IQCN: variants seen among roughly 807,000 people sequenced by gnomAD.
IQCN encodes the protein IQ motif containing N, also known as IQ domain-containing protein N.
A neutral mutation model predicts 64.4 loss-of-function variants in IQCN; 46 were observed. The ratio of observed to expected loss-of-function variants is 0.71; its 90% CI spans 0.56 to 0.91. IQCN has a LOEUF of 0.91. Ranked by LOEUF, IQCN falls within the 40% of genes least tolerant of loss-of-function variation. IQCN has a pLI of 0.00. For synonymous variants in IQCN, 733 were observed against 775.6 expected (o/e 0.95, Z 0.91); for missense variants, 1,753 against 1,857.4 (o/e 0.94, Z 1.03).
intron 1 of IQCN, among the ~76,000 whole-genome samples, chr19:18,272,731 C>G (rs1328343083): frequency 6.6e-6 from 1 of 151,922 alleles, no homozygotes; most frequent in East Asian, 1.9e-4. Context: ...CTGCCTCAGC[C>G]TCCTGAGTAG....
Position 18,265,521 on chromosome 19 carries a change from T to C in IQCN, c.2019A>G (p.Arg673=), listed in dbSNP as rs1415512162. 1 of 1,612,436 alleles carries C rather than the reference T, an allele frequency of 6.2e-7. No individual in the cohort carries two copies. The highest frequency in any genetic ancestry group is 2.2e-5 in the East Asian group (1 of 44,820). ...AAPLTNASSQ[R]HPPCLSQRPL... ...GTCTCTGGGACAGGCAGGGTGGATG[T>C]CTCTGGGATGAGGCATTGGTCAGTG... Residue 673 remains arginine (R), a synonymous_variant, in exon 3 of 4, where the codon AGA becomes AGG. Transcript: ENST00000392413. The surrounding 1 kb of genome is among the most constrained non-coding windows in gnomAD (Gnocchi z 4.7).
At position 18,257,447 on chromosome 19, in the gene IQCN, C is replaced by A. The variant is rs376741930; in HGVS notation, c.3837G>T (p.Gly1279=). 131 of 1,608,702 alleles carry A rather than the reference C, an allele frequency of 8.1e-5. No individual in the cohort carries two copies. The highest frequency in any genetic ancestry group is 1.0e-4 in the Non-Finnish European group (121 of 1,178,464). The change falls in exon 4 of 4, where the codon GGG becomes GGT. Residue 1279 remains glycine (G), a synonymous_variant. Coordinates refer to ENST00000392413, the MANE Select transcript of IQCN (RefSeq NM_001145304.2). ...GGTAGGCGGAGGCCCAAGACACTGC[C>A]CCGGGGCCCTCAGTGCCCTGGCCCA... ...QGMGQGTEGP[G]AVSWASAYQL... is the part of the protein sequence containing the mutation.
intron 3 of IQCN, chr19:18,262,093 T>G (rs1969441641): frequency 6.5e-6 from 1 of 153,152 alleles, no homozygotes. Flanking sequence ...GACACCTCAG[T>G]GGCCACAGAT....
At chr19:18,270,468 T>C (rs7256004) in intron 1 of IQCN, among the ~76,000 whole-genome samples, 8,304 of 151,778 alleles carry the variant, frequency 0.055, 756 homozygotes, top group African/African-American at 0.19. Context: ...CAGACCAGCC[T>C]GGGCAACATG....
At chr19:18,263,524 G>A (rs1247769547) in intron 3 of IQCN, among the ~76,000 whole-genome samples, 1 of 152,212 alleles carries the variant, frequency 6.6e-6, no homozygotes, top group African/African-American at 2.4e-5. Context: ...GGGGAAGCTT[G>A]AAACAGACCA....
intron 3 of IQCN, 149 bp from the exon 4 acceptor site, chr19:18,258,255 C>T (rs543773434): frequency 1.8e-4 from 155 of 848,446 alleles, no homozygotes; most frequent in Admixed American, 2.2e-4. Flanking sequence ...AGACACCCTC[C>T]GAACTCCCGG....
rs1057186927 is a variant in IQCN at position 18,269,069 on chromosome 19, G to A, written c.13+397C>T. Among the ~76,000 whole-genome samples the A allele has an allele frequency of 3.3e-5, 5 of 151,886 alleles. No individual in the cohort carries two copies. In the East Asian group the frequency reaches 7.7e-4, roughly 23 times the overall value. On this transcript the variant is annotated intron_variant, in intron 2 of 3. Coordinates refer to ENST00000392413, the MANE Select transcript of IQCN (RefSeq NM_001145304.2). ...TGCTTGAACCCGGGAGGAGGAGGTTGCAGTGAGCCAAGATCACGCCATCAC... is the reference window on the plus strand; with the variant it reads ...TGCTTGAACCCGGGAGGAGGAGGTTACAGTGAGCCAAGATCACGCCATCAC...
At chr19:18,270,108 C>T (rs1969703363) in intron 1 of IQCN, among the ~76,000 whole-genome samples, 1 of 148,056 alleles carries the variant, frequency 6.8e-6, no homozygotes, top group South Asian at 2.1e-4. Context: ...GCCTGTAATT[C>T]CAGCACTCTG....
At chr19:18,263,572 C>A (rs1235281091) in intron 3 of IQCN, among the ~76,000 whole-genome samples, 1 of 152,110 alleles carries the variant, frequency 6.6e-6, no homozygotes, top group Non-Finnish European at 1.5e-5. Flanking sequence ...ACCATGGTGA[C>A]CTGCAAGGGA....
chr19:18,257,753 C>A lies in IQCN; in HGVS notation c.3531G>T (p.Arg1177=). Residue 1177 remains arginine (R), a synonymous_variant, in exon 4 of 4, where the codon CGG becomes CGT. Coordinates refer to ENST00000392413, the MANE Select transcript of IQCN (RefSeq NM_001145304.2). ...GCATCTGCCAGTGCCGGGCTTGGTCCCGGCGGGTGCTGTAGCCGCGCCAGG... is the reference window on the plus strand; with the variant it reads ...GCATCTGCCAGTGCCGGGCTTGGTCACGGCGGGTGCTGTAGCCGCGCCAGG... The part of the protein sequence containing the change: ...QSAWRGYSTR[R]DQARHWQMLH... 6.2e-7 allele frequency: 1 copy of A among 1,610,870 alleles called. No individual in the cohort carries two copies. Among genetic ancestry groups the A allele is most frequent in the South Asian group, 1.1e-5 (1 of 90,942 alleles).
At chr19:18,272,041 G>A (rs766114285) in intron 1 of IQCN, among the ~76,000 whole-genome samples, 19 of 151,946 alleles carry the variant, frequency 1.3e-4, no homozygotes, top group Non-Finnish European at 5.9e-5. Flanking sequence ...TGGCCAGGCT[G>A]GTCTCAAACT....
At chr19:18,269,412 C>G in intron 2 of IQCN, 54 bp downstream of exon 2, 2 of 1,586,206 alleles carry the variant, frequency 1.3e-6, no homozygotes. Flanking sequence ...TGGCAGAAGC[C>G]CCTCTCTTCA....
chr19:18,257,800 C>G lies in IQCN; in HGVS notation c.3484G>C (p.Ala1162Pro). 1 of 1,610,906 alleles carries G rather than the reference C, an allele frequency of 6.2e-7. No homozygotes were observed. Among genetic ancestry groups the G allele is most frequent in the Non-Finnish European group, 8.5e-7 (1 of 1,179,336 alleles). The change falls in exon 4 of 4, where the codon GCC becomes CCC. Residue 1162 changes from alanine (A) to proline (P), a missense_variant. Physicochemically the swap from Ala to Pro is conservative, Grantham distance 27. Transcript: ENST00000392413. ...CAGGCAGACTGGATGGTCGTGGTGG[C>G]TCTGCAGAGGTGTGCCAGGTTCCGC... ...VRRNLAHLCRATTTIQSAWRG... is the reference protein window; with the variant it reads ...VRRNLAHLCRPTTTIQSAWRG...
At chr19:18,259,781 A>G (rs1363300344) in intron 3 of IQCN, 1 of 152,344 alleles carries the variant, frequency 6.6e-6, no homozygotes, top group Non-Finnish European at 1.5e-5. Flanking sequence ...TCAGGGAAAG[A>G]TTAGACTGAG....
intron 3 of IQCN, chr19:18,259,333 A>G (rs1434162777): frequency 2.4e-5 from 2 of 83,278 alleles, no homozygotes; most frequent in African/African-American, 5.2e-5. Flanking sequence ...AGAGGCCCCC[A>G]TCATTGGCAC....
At chr19:18,260,049 C>T (rs1304401920) in intron 3 of IQCN, 1 of 152,484 alleles carries the variant, frequency 6.6e-6, no homozygotes, top group Admixed American at 6.5e-5. Flanking sequence ...CTGGGGATGG[C>T]TTACAGCCAC....
rs1306847525 is a variant in IQCN, at chr19:18,264,193, C to A, written c.3177+170G>T. On this transcript the variant is annotated intron_variant, in intron 3 of 3. Transcript: ENST00000392413. This position sits in a 1 kb window ranked among gnomAD's most constrained non-coding sequence, Gnocchi z 4.3. ...GGATACAGGCCAGTGATCAGGGGAC[C>A]CTGGTGAATGCTGGTGATGACGCTA... 6.6e-6 allele frequency among the ~76,000 whole-genome samples: 1 copy of A among 152,076 alleles called. No homozygotes were observed. Among genetic ancestry groups the A allele is most frequent in the African/African-American group, 2.4e-5 (1 of 41,404 alleles).
Position 18,266,990 on chromosome 19 carries a change from G to T in IQCN, c.550C>A (p.Pro184Thr). 6.2e-7 allele frequency: 1 copy of T among 1,614,184 alleles called. No individual in the cohort carries two copies. The highest frequency in any genetic ancestry group is 2.2e-5 in the East Asian group (1 of 44,884). The change falls in exon 3 of 4, where the codon CCG (proline) becomes ACG (threonine). Residue 184 changes from proline to threonine, a missense_variant. By Grantham distance (38) the Pro-to-Thr change is conservative (BLOSUM62 -1). Transcript: ENST00000392413. This position sits in a 1 kb window ranked among gnomAD's most constrained non-coding sequence, Gnocchi z 4.3. ...GTCTCCTTGTTCACCATGATGGGCG[G>T]GGACAGAAGGCGGTTCTCTTCCGGA... ...QHPEENRLLS[P>T]PIMVNKETQF... is the part of the protein sequence containing the mutation.
In IQCN at chr19:18,267,230, C is replaced by T. The variant is rs200990310; in HGVS notation, c.310G>A (p.Ala104Thr). The T allele has an allele frequency of 2.8e-5, 46 of 1,614,248 alleles. No homozygotes were observed. In the East Asian group the frequency reaches 4.9e-4, roughly 17 times the overall value. Residue 104 changes from alanine (A) to threonine (T), a missense_variant, in exon 3 of 4, where the codon GCC (alanine) becomes ACC (threonine). Physicochemically the swap from Ala to Thr is moderately conservative, Grantham distance 58 (BLOSUM62 0). Coordinates refer to ENST00000392413, the MANE Select transcript of IQCN (RefSeq NM_001145304.2). Reference sequence around the variant, plus strand: ...GCTTGGATGAGCGTGGCTGCACGGGCGTGCATCATGTCCATCTCGTCTACC... The same window carrying T: ...GCTTGGATGAGCGTGGCTGCACGGGTGTGCATCATGTCCATCTCGTCTACC... ...ILVDEMDMMH[A>T]RAATLIQANW...
Sources: allele counts gnomAD v4.1 joint callset (sites outside exome capture counted in the v4.1 genomes callset), GRCh38; gene constraint gnomAD v4.1.1; non-coding constraint Gnocchi (gnomAD v3.1); transcripts MANE v1.5; gene names NCBI Gene and HGNC (gene_info 2026-07-23, HGNC 2026-07-21).